The following UBE2U variants were observed in gnomAD, a reference collection of about 807,000 sequenced individuals.
The protein encoded by UBE2U is ubiquitin conjugating enzyme E2 U.
A neutral mutation model predicts 41.2 loss-of-function variants in UBE2U; 39 were observed. That is an observed-to-expected ratio of 0.95 (90% confidence interval 0.73 to 1.24). The LOEUF (loss-of-function observed/expected upper bound fraction) is 1.24, where lower values mean the gene tolerates loss of function less well. Among genes scored for constraint, UBE2U ranks in the 50% most tolerant of loss-of-function variants. The pLI, the probability that UBE2U is intolerant of heterozygous loss-of-function variation, is 0.00. For missense variants in UBE2U, 336 were observed against 363.1 expected (o/e 0.93, Z 0.61); for synonymous variants, 107 against 117.8 (o/e 0.91, Z 0.60).
At chr1:64,260,319 C>A (rs1037415957) in intron 8 of UBE2U, among the ~76,000 whole-genome samples, 2 of 152,134 alleles carry the variant, frequency 1.3e-5, no homozygotes, top group African/African-American at 2.4e-5. Flanking sequence ...CCTTGCTATA[C>A]CACATGATGT....
chr1:64,228,686 C>CTTTTTT (rs59774097), intron 6 of UBE2U, among the ~76,000 whole-genome samples: 10 of 95,732 alleles, frequency 1.0e-4, no homozygotes, highest in Non-Finnish European at 1.7e-4. Context: ...CTCTCTCTCT[C>CTTTTTT]TTTTTTTTTT....
intron 8 of UBE2U, among the ~76,000 whole-genome samples, chr1:64,247,807 T>C (rs972031940): frequency 2.0e-5 from 3 of 149,504 alleles, no homozygotes; most frequent in Admixed American, 6.7e-5. Context: ...GAGGCTGCAG[T>C]GAACCATGGT....
intron 1 of UBE2U, 96 bp from the exon 2 acceptor site, chr1:64,205,543 G>C: frequency 1.0e-6 from 1 of 981,076 alleles, no homozygotes. Context: ...AAAATTTAGA[G>C]TTTTTAGAAT....
intron 7 of UBE2U, among the ~76,000 whole-genome samples, chr1:64,235,517 G>A (rs565068718): frequency 6.6e-6 from 1 of 152,196 alleles, no homozygotes; most frequent in Non-Finnish European, 1.5e-5. Flanking sequence ...CAATAATAAA[G>A]ATGAAGCTTT....
chr1:64,222,091 CA>C (rs10632119), intron 6 of UBE2U, among the ~76,000 whole-genome samples: 55 of 98,028 alleles, frequency 5.6e-4, no homozygotes, highest in East Asian at 3.2e-3. Flanking sequence ...GACTCCATCT[CA>C]AAAAAAAAAA....
At chr1:64,229,010 G>A (rs906210835) in intron 6 of UBE2U, among the ~76,000 whole-genome samples, 2 of 151,884 alleles carry the variant, frequency 1.3e-5, no homozygotes, top group Admixed American at 6.6e-5. Context: ...ACAGGCACAC[G>A]CCATCATGCT....
At chr1:64,231,223 A>C (rs1395707889) in intron 6 of UBE2U, among the ~76,000 whole-genome samples, 1 of 147,290 alleles carries the variant, frequency 6.8e-6, no homozygotes, top group African/African-American at 2.5e-5. Context: ...GTCGTGGTCA[A>C]ACAGACAAAA....
At chr1:64,223,648 A>G (rs1478576066) in intron 6 of UBE2U, among the ~76,000 whole-genome samples, 1 of 152,198 alleles carries the variant, frequency 6.6e-6, no homozygotes, top group African/African-American at 2.4e-5. Flanking sequence ...TAGTACATAA[A>G]TATAATATAG....
In UBE2U at chr1:64,239,142, A is replaced by AAGGAGAAGGAGAAGG. The variant is rs1557730583; in HGVS notation, c.596-2508_596-2507insGAGAAGGAGAAGGAG. ...GAAGAAGAAGAAGAAGAAGAAGAAG[A>AAGGAGAAGGAGAAGG]AGAAGAAGAAGAAGAAAGAAGAAGA... is the stretch of plus-strand genomic sequence containing the variant. On this transcript the variant is annotated intron_variant, in intron 7 of 9. Transcript: ENST00000371077. Among the ~76,000 whole-genome samples the AAGGAGAAGGAGAAGG allele has an allele frequency of 2.0e-3, 52 of 26,492 alleles. 3 individuals carry two copies. The highest frequency in any genetic ancestry group is 8.0e-3 in the African/African-American group (47 of 5,898). The allele number at this position is 26,492 out of a possible 152,430, so 17.4% of individuals were successfully genotyped here.
At chr1:64,220,990 T>G (rs1652416767) in intron 6 of UBE2U, 83 bp downstream of exon 6, 2 of 917,092 alleles carry the variant, frequency 2.2e-6, no homozygotes, top group Non-Finnish European at 3.3e-6. Flanking sequence ...TTCATCATAA[T>G]TAAATGTTTG....
At chr1:64,263,862 T>C (rs1382361375) in intron 9 of UBE2U, among the ~76,000 whole-genome samples, 1 of 152,244 alleles carries the variant, frequency 6.6e-6, no homozygotes, top group Non-Finnish European at 1.5e-5. Flanking sequence ...ACATGGTGGC[T>C]GCACAAATAT....
Position 64,203,977 on chromosome 1 carries a change from CA to C in UBE2U, c.-73del, listed in dbSNP as rs1357075801. 5 of 1,395,882 alleles carry C rather than the reference CA, an allele frequency of 3.6e-6. No homozygotes were observed. The highest frequency in any genetic ancestry group is 5.0e-6 in the Non-Finnish European group (5 of 997,534). The allele number at this position is 1,395,882 out of a possible 1,614,324, so 86.5% of individuals were successfully genotyped here. A position where few individuals can be genotyped will look rare whatever the true frequency, so the allele number is the denominator to read the frequency against. Reference sequence around the variant, plus strand: ...GTTTACTAAGTGTGGGAAAGTGACCCATAACTTCAAACATCTGCCTCAGAGT... The same window carrying C: ...GTTTACTAAGTGTGGGAAAGTGACCCTAACTTCAAACATCTGCCTCAGAGT... On this transcript the variant is annotated 5_prime_UTR_variant, in exon 1 of 10. Coordinates refer to ENST00000371077, the MANE Select transcript of UBE2U (RefSeq NM_001366232.2).
At chr1:64,265,516 G>A (rs1645242470) in intron 9 of UBE2U, among the ~76,000 whole-genome samples, 1 of 152,134 alleles carries the variant, frequency 6.6e-6, no homozygotes, top group South Asian at 2.1e-4. Context: ...AAATCACTGT[G>A]GGCCTCAGGA....
At chr1:64,205,852 A>C in intron 2 of UBE2U, 132 bp downstream of exon 2, 1 of 583,950 alleles carries the variant, frequency 1.7e-6, no homozygotes, top group South Asian at 4.4e-5. Context: ...ATAAGTTTGC[A>C]TTATACCAGT....
intron 8 of UBE2U, among the ~76,000 whole-genome samples, chr1:64,249,779 G>A (rs1644978578): frequency 6.6e-6 from 1 of 151,898 alleles, no homozygotes; most frequent in Non-Finnish European, 1.5e-5. Flanking sequence ...GTGAGCTGTG[G>A]GACAATATCA....
At chr1:64,206,662 T>C (rs1310783115) in intron 2 of UBE2U, 102 bp from the exon 3 acceptor site, 12 of 680,954 alleles carry the variant, frequency 1.8e-5, no homozygotes, top group Admixed American at 3.2e-5. Flanking sequence ...AAAATAAAAC[T>C]GTGGAAAGAC....
chr1:64,217,138 A>G (rs1652079344), intron 5 of UBE2U, among the ~76,000 whole-genome samples: 1 of 152,234 alleles, frequency 6.6e-6, no homozygotes, highest in African/African-American at 2.4e-5. Flanking sequence ...AAGTTGCTTA[A>G]AAGAATGGAC....
chr1:64,262,824 T>A (rs1043332363), intron 9 of UBE2U, among the ~76,000 whole-genome samples: 2 of 152,298 alleles, frequency 1.3e-5, no homozygotes, highest in South Asian at 4.1e-4. Context: ...CTAGGGGCCA[T>A]CTTGGAGTCT....
At chr1:64,263,470 CCCA>C (rs960393402) in intron 9 of UBE2U, among the ~76,000 whole-genome samples, 1 of 152,176 alleles carries the variant, frequency 6.6e-6, no homozygotes, top group African/African-American at 2.4e-5. Flanking sequence ...AGCTTGCCCA[CCCA>C]CGTTTCCCAG....
Sources: allele counts gnomAD v4.1 joint callset (sites outside exome capture counted in the v4.1 genomes callset), GRCh38; gene constraint gnomAD v4.1.1; transcripts MANE v1.5; gene names NCBI Gene and HGNC (gene_info 2026-07-23, HGNC 2026-07-21).